Variants in CAST observed in about 807,000 individuals in gnomAD.
CAST encodes the protein calpastatin.
Under a neutral mutation model 119.6 loss-of-function variants are expected in CAST, and 76 were observed. That is an observed-to-expected ratio of 0.64 (90% confidence interval 0.53 to 0.77). The LOEUF is 0.77. Among genes scored for constraint, CAST ranks in the 30% least tolerant of loss-of-function variants. The pLI is 0.00. For synonymous variants in CAST, 319 were observed against 331.6 expected, an observed-to-expected ratio of 0.96 and a Z score of 0.41; for missense variants, 953 against 946.5, an observed-to-expected ratio of 1.01 and a Z score of -0.09.
the CAST span, among the ~76,000 whole-genome samples, chr5:95,994,932 A>T: frequency 6.6e-6 from 1 of 152,218 alleles, no homozygotes; most frequent in East Asian, 1.9e-4. Flanking sequence ...GACATTAAAT[A>T]TCACACTGGG....
intron 1 of CAST, among the ~76,000 whole-genome samples, chr5:96,570,338 T>C (rs189802930): frequency 5.3e-5 from 8 of 152,312 alleles, no homozygotes; most frequent in African/African-American, 1.7e-4. Context: ...AAGGAAATAC[T>C]CTTTGGTAAT....
the CAST span, chr5:96,397,416 A>T: frequency 6.2e-7 from 1 of 1,612,068 alleles, no homozygotes; most frequent in South Asian, 1.1e-5. Context: ...CAATTCTTAA[A>T]GCCATTAGGA....
chr5:96,150,301 A>G, the CAST span, among the ~76,000 whole-genome samples: 2 of 152,218 alleles, frequency 1.3e-5, no homozygotes, highest in African/African-American at 4.8e-5. Flanking sequence ...GTCAGAACCC[A>G]TCATCTACCT....
At chr5:96,405,731 AAAAG>A in the CAST span, among the ~76,000 whole-genome samples, 1 of 152,224 alleles carries the variant, frequency 6.6e-6, no homozygotes, top group Non-Finnish European at 1.5e-5. Flanking sequence ...ACTATACAGA[AAAAG>A]AAGCCTTGAG....
chr5:96,421,920 G>A, the CAST span: 1 of 1,563,880 alleles, frequency 6.4e-7, no homozygotes, highest in Non-Finnish European at 8.7e-7. Context: ...AATGGATCAT[G>A]GTCATTATCA....
the CAST span, among the ~76,000 whole-genome samples, chr5:96,242,553 G>A: frequency 6.6e-6 from 1 of 152,336 alleles, no homozygotes; most frequent in African/African-American, 2.4e-5. Flanking sequence ...AAGAGACTAT[G>A]TACTGCAGAA....
chr5:96,433,949 A>C, the CAST span: 2 of 152,172 alleles, frequency 1.3e-5, no homozygotes, highest in African/African-American at 4.8e-5. Context: ...TTATCAGTAA[A>C]ATGATTAATC....
At chr5:96,077,431 A>G in the CAST span, among the ~76,000 whole-genome samples, 2 of 152,136 alleles carry the variant, frequency 1.3e-5, no homozygotes, top group Admixed American at 1.3e-4. Flanking sequence ...AGGCAGATAC[A>G]CATTTTTCTT....
At chr5:96,504,900 T>C in the CAST span, among the ~76,000 whole-genome samples, 1 of 152,264 alleles carries the variant, frequency 6.6e-6, no homozygotes, top group African/African-American at 2.4e-5. Flanking sequence ...AGTGTGTTTT[T>C]GAGGTTCATT....
At chr5:96,488,133 C>CAA in the CAST span, among the ~76,000 whole-genome samples, 1 of 152,150 alleles carries the variant, frequency 6.6e-6, no homozygotes, top group African/African-American at 2.4e-5. Context: ...TTGGGAAAAA[C>CAA]AAGTCCTTAG....
chr5:96,743,211 C>A (rs543157497), intron 16 of CAST, among the ~76,000 whole-genome samples: 1 of 152,274 alleles, frequency 6.6e-6, no homozygotes, highest in East Asian at 1.9e-4. Flanking sequence ...GCAACAATTA[C>A]CCTAACTAGA....
the CAST span, among the ~76,000 whole-genome samples, chr5:96,385,158 A>G: frequency 6.6e-6 from 1 of 152,192 alleles, no homozygotes; most frequent in South Asian, 2.1e-4. Context: ...AGTTCATGGG[A>G]TTGATTCTTC....
the CAST span, among the ~76,000 whole-genome samples, chr5:96,389,648 A>C: frequency 1.1e-4 from 16 of 152,234 alleles, no homozygotes; most frequent in African/African-American, 3.6e-4. Flanking sequence ...CAAAGTTGGG[A>C]ATTGGGGCCT....
At chr5:96,511,185 A>T in the CAST span, among the ~76,000 whole-genome samples, 1 of 152,152 alleles carries the variant, frequency 6.6e-6, no homozygotes, top group African/African-American at 2.4e-5. Flanking sequence ...TCGCTCTGTC[A>T]CCAGGCTGGA....
chr5:96,496,705 A>C, the CAST span, among the ~76,000 whole-genome samples: 1 of 152,214 alleles, frequency 6.6e-6, no homozygotes, highest in African/African-American at 2.4e-5. Flanking sequence ...ATTATCATCT[A>C]TTCTATAGAT....
rs140828684 is a variant in CAST at position 96,595,132 on chromosome 5, C to T, written c.60+65252C>T. Among the ~76,000 whole-genome samples the T allele has an allele frequency of 4.5e-3, 690 of 152,266 alleles. 7 individuals carry two copies. Among genetic ancestry groups the T allele is most frequent in the African/African-American group, 0.016 (656 of 41,534 alleles). ...AAGCCCATCTGCTTACTCACAGAAA[C>T]GTGGGATAGCAAGTGCAGAGGATCA... On this transcript the variant is annotated intron_variant, in intron 1 of 11. Coordinates refer to the CAST transcript ENST00000505143.
At chr5:96,097,024 A>G in the CAST span, among the ~76,000 whole-genome samples, 1 of 152,170 alleles carries the variant, frequency 6.6e-6, no homozygotes, top group African/African-American at 2.4e-5. Context: ...CTGCCACCTG[A>G]TATTTTGATT....
At chr5:96,588,346 C>T (rs1280367190) in intron 1 of CAST, among the ~76,000 whole-genome samples, 1 of 151,666 alleles carries the variant, frequency 6.6e-6, no homozygotes, top group Non-Finnish European at 1.5e-5. Context: ...GGACTACAGG[C>T]ACACGCCACC....
At chr5:96,695,312 T>C (rs763857301) in intron 2 of CAST, among the ~76,000 whole-genome samples, 7 of 152,238 alleles carry the variant, frequency 4.6e-5, no homozygotes, top group Non-Finnish European at 8.8e-5. Context: ...TCTATTATTC[T>C]AATAATTACC....
Sources: gnomAD v4.1 joint callset for allele counts (sites outside exome capture counted in the v4.1 genomes callset) on GRCh38, gnomAD v4.1.1 for gene constraint, MANE v1.5 for transcripts, NCBI Gene and HGNC (gene_info 2026-07-23, HGNC 2026-07-21) for gene names.